MIPOL1: variants seen among roughly 807,000 people sequenced by gnomAD.
MIPOL1 encodes the protein mirror-image polydactyly gene 1 protein.
Under a neutral mutation model 60.9 loss-of-function variants are expected in MIPOL1, and 57 were observed. The observed-to-expected ratio is 0.94, with a 90% CI of 0.76 to 1.17. The LOEUF (loss-of-function observed/expected upper bound fraction) is 1.17. Among genes scored for constraint, MIPOL1 ranks in the 50% most tolerant of loss-of-function variants. The pLI is 0.00. For missense variants in MIPOL1, 551 were observed against 511.6 expected, an observed-to-expected ratio of 1.08 and a Z score of -0.74; for synonymous variants, 179 against 168.8, an observed-to-expected ratio of 1.06 and a Z score of -0.47.
At chr14:37,426,730 T>A (rs987559472) in intron 11 of MIPOL1, among the ~76,000 whole-genome samples, 1 of 151,000 alleles carries the variant, frequency 6.6e-6, no homozygotes, top group Non-Finnish European at 1.5e-5. Flanking sequence ...GGAATGTTAC[T>A]ATTTAAGTGA....
At chr14:37,346,200 A>C (rs763925851) in intron 9 of MIPOL1, among the ~76,000 whole-genome samples, 1 of 152,148 alleles carries the variant, frequency 6.6e-6, no homozygotes. Context: ...GTGGTAGTGC[A>C]CACCTGTAAT....
At chr14:37,298,323 T>C (rs1398850072) in intron 7 of MIPOL1, among the ~76,000 whole-genome samples, 6 of 151,878 alleles carry the variant, frequency 4.0e-5, no homozygotes, top group Admixed American at 2.6e-4. Context: ...AAGACTTACA[T>C]GTTAGACCTA....
chr14:37,442,154 C>T (rs1181114253), intron 11 of MIPOL1, among the ~76,000 whole-genome samples: 4 of 149,770 alleles, frequency 2.7e-5, no homozygotes, highest in Non-Finnish European at 1.5e-5. Context: ...GAATTGCATT[C>T]TGGAATTGGC....
intron 12 of MIPOL1, among the ~76,000 whole-genome samples, chr14:37,519,259 A>G (rs2095394543): frequency 1.3e-5 from 2 of 152,154 alleles, no homozygotes; most frequent in Non-Finnish European, 2.9e-5. Flanking sequence ...GGGATTTAGG[A>G]TAGCAACTGC....
chr14:37,226,602 C>T (rs777957748), intron 1 of MIPOL1, among the ~76,000 whole-genome samples: 17 of 152,154 alleles, frequency 1.1e-4, no homozygotes, highest in Non-Finnish European at 1.8e-4. Flanking sequence ...AGGGAATTAT[C>T]GGAGCTACAA....
chr14:37,518,171 T>C (rs1192438182), intron 12 of MIPOL1, among the ~76,000 whole-genome samples: 1 of 152,172 alleles, frequency 6.6e-6, no homozygotes, highest in Non-Finnish European at 1.5e-5. Context: ...TTAACAGTTA[T>C]TAGCCCTACT....
At chr14:37,314,206 AT>A (rs368911164) in intron 9 of MIPOL1, among the ~76,000 whole-genome samples, 15 of 152,076 alleles carry the variant, frequency 9.9e-5, no homozygotes, top group African/African-American at 2.6e-4. Flanking sequence ...TTAGTGGCTT[AT>A]TTTTTTTATC....
intron 11 of MIPOL1, among the ~76,000 whole-genome samples, chr14:37,465,259 C>G (rs1488574518): frequency 6.6e-6 from 1 of 152,150 alleles, no homozygotes; most frequent in African/African-American, 2.4e-5. Flanking sequence ...GTGCCTTACT[C>G]TTTCAAAGTG....
At chr14:37,409,317 A>G (rs1197367515) in intron 10 of MIPOL1, among the ~76,000 whole-genome samples, 3 of 152,222 alleles carry the variant, frequency 2.0e-5, no homozygotes, top group African/African-American at 7.2e-5. Context: ...TGCTTAAATG[A>G]TATTTAAATA....
At chr14:37,538,841 A>G (rs1259065024) in intron 12 of MIPOL1, among the ~76,000 whole-genome samples, 1 of 152,214 alleles carries the variant, frequency 6.6e-6, no homozygotes, top group Non-Finnish European at 1.5e-5. Flanking sequence ...ACAAGGCAGG[A>G]CCAACTGTTA....
intron 1 of MIPOL1, among the ~76,000 whole-genome samples, chr14:37,213,824 C>G (rs1967109701): frequency 6.6e-6 from 1 of 152,082 alleles, no homozygotes; most frequent in African/African-American, 2.4e-5. Context: ...CTAAAAGTAT[C>G]AAGAGAATAG....
chr14:37,228,590 C>G lies in MIPOL1; in HGVS notation c.-198-18513C>G, dbSNP rs1970143554. On this transcript the variant is annotated intron_variant, in intron 1 of 12. Transcript: ENST00000684589. ...CCATGACCCAGAGAATAGCAGAAAA[C>G]TTTGTATTGGGTTACCTATGAAATG... is the stretch of plus-strand genomic sequence containing the variant. Among the ~76,000 whole-genome samples, 6 of 152,146 alleles carry G rather than the reference C, an allele frequency of 3.9e-5. No homozygotes were observed. The South Asian group carries it at 1.2e-3, about 32-fold the overall frequency.
At chr14:37,509,755 A>G (rs983849106) in intron 12 of MIPOL1, among the ~76,000 whole-genome samples, 11 of 151,246 alleles carry the variant, frequency 7.3e-5, no homozygotes, top group Non-Finnish European at 1.3e-4. Flanking sequence ...CATGTGATAC[A>G]CATACATGTA....
intron 10 of MIPOL1, among the ~76,000 whole-genome samples, chr14:37,383,233 CA>C (rs1471353144): frequency 5.3e-5 from 8 of 151,700 alleles, no homozygotes; most frequent in Non-Finnish European, 8.8e-5. Flanking sequence ...TATCTTGTTT[CA>C]GGTATTGTTT....
intron 11 of MIPOL1, among the ~76,000 whole-genome samples, chr14:37,461,722 C>A (rs1030837595): frequency 6.6e-6 from 1 of 152,166 alleles, no homozygotes; most frequent in East Asian, 1.9e-4. Context: ...AGGACCCATG[C>A]AAGTCCAAAA....
intron 11 of MIPOL1, among the ~76,000 whole-genome samples, chr14:37,481,435 A>G (rs1038763865): frequency 6.6e-6 from 1 of 152,154 alleles, no homozygotes; most frequent in African/African-American, 2.4e-5. Context: ...TAATACTGTT[A>G]AAATGTCACA....
At chr14:37,476,895 C>CTTTTTTTTT (rs869027204) in intron 11 of MIPOL1, among the ~76,000 whole-genome samples, 4 of 87,334 alleles carry the variant, frequency 4.6e-5, no homozygotes, top group Admixed American at 1.4e-4. Flanking sequence ...CTTGTAATGT[C>CTTTTTTTTT]TTTTTTTTTT....
intron 11 of MIPOL1, among the ~76,000 whole-genome samples, chr14:37,439,189 C>T (rs1166584062): frequency 1.3e-5 from 2 of 152,100 alleles, no homozygotes; most frequent in East Asian, 3.9e-4. Flanking sequence ...TGGACACTTC[C>T]ATGGCAAGTC....
intron 10 of MIPOL1, among the ~76,000 whole-genome samples, chr14:37,414,005 A>C (rs887957617): frequency 3.3e-5 from 5 of 152,184 alleles, no homozygotes; most frequent in African/African-American, 1.2e-4. Context: ...CAGTTTACCT[A>C]GGTTTAACAT....
Sources: allele counts gnomAD v4.1 joint callset (sites outside exome capture counted in the v4.1 genomes callset), GRCh38; gene constraint gnomAD v4.1.1; transcripts MANE v1.5; gene names NCBI Gene and HGNC (gene_info 2026-07-23, HGNC 2026-07-21).